Variants in SLC6A11 observed in about 807,000 individuals in gnomAD.
The protein encoded by SLC6A11 is sodium- and chloride-dependent GABA transporter 3.
A neutral mutation model predicts 74.8 loss-of-function variants in SLC6A11; 25 were observed. The ratio of observed to expected loss-of-function variants is 0.33; its 90% CI spans 0.24 to 0.47. The LOEUF (loss-of-function observed/expected upper bound fraction) is 0.47, where lower values mean the gene tolerates loss of function less well. Ranked by LOEUF, SLC6A11 falls within the 20% of genes least tolerant of loss-of-function variation. SLC6A11 has a pLI of 1.00. For synonymous variants in SLC6A11, 330 were observed against 330.2 expected, an observed-to-expected ratio of 1.00 and a Z score of 0.01; for missense variants, 574 against 837.0, an observed-to-expected ratio of 0.69 and a Z score of 3.88.
At chr3:10,913,842 C>T (rs1230808902) in intron 7 of SLC6A11, among the ~76,000 whole-genome samples, 2 of 152,048 alleles carry the variant, frequency 1.3e-5, no homozygotes, top group South Asian at 2.1e-4. Context: ...TACAGGCGCC[C>T]GCCACCACGC....
At chr3:10,852,279 G>C (rs968339319) in intron 5 of SLC6A11, among the ~76,000 whole-genome samples, 2 of 152,234 alleles carry the variant, frequency 1.3e-5, no homozygotes, top group Non-Finnish European at 2.9e-5. Context: ...AAACAGGAGA[G>C]CCCCTGCCCC....
chr3:10,901,429 T>TA (rs1185884500), intron 6 of SLC6A11, among the ~76,000 whole-genome samples: 1 of 152,146 alleles, frequency 6.6e-6, no homozygotes, highest in Non-Finnish European at 1.5e-5. Flanking sequence ...ATTGAACGGC[T>TA]CCTCACCGCC....
chr3:10,935,351 A>T (rs1487448624), intron 13 of SLC6A11, 152 bp downstream of exon 13: 2 of 669,728 alleles, frequency 3.0e-6, no homozygotes, highest in East Asian at 5.4e-5. Context: ...GTTCAGTATC[A>T]TGGTTGTGCC....
Position 10,835,732 on chromosome 3 carries a change from G to A in SLC6A11, c.624-8482G>A, listed in dbSNP as rs1413106137. 2.0e-5 allele frequency among the ~76,000 whole-genome samples: 3 copies of A among 152,264 alleles called. No homozygotes were observed. In the East Asian group the frequency reaches 5.8e-4, roughly 29 times the overall value. On this transcript the variant is annotated intron_variant, in intron 4 of 13. Coordinates refer to ENST00000254488, the MANE Select transcript of SLC6A11 (RefSeq NM_014229.3). ...TTTCTGTGGAGCCTGAGTTTCCTCT[G>A]AACAATGGTGTACAAGATAACTACA...
chr3:10,855,774 T>C (rs1442114645), intron 5 of SLC6A11, among the ~76,000 whole-genome samples: 3 of 152,000 alleles, frequency 2.0e-5, no homozygotes, highest in East Asian at 1.9e-4. Context: ...AGGGGTGAAA[T>C]GTGGATAGTT....
chr3:10,843,373 C>T (rs1449739220), intron 4 of SLC6A11, among the ~76,000 whole-genome samples: 1 of 152,178 alleles, frequency 6.6e-6, no homozygotes, highest in Non-Finnish European at 1.5e-5. Context: ...CTTTTTCCTT[C>T]TGATCCCTGC....
intron 8 of SLC6A11, among the ~76,000 whole-genome samples, chr3:10,923,495 A>G (rs533767419): frequency 6.6e-6 from 1 of 152,300 alleles, no homozygotes; most frequent in East Asian, 1.9e-4. Context: ...TAAACTACTC[A>G]GGAGTCCACA....
At chr3:10,836,747 G>C (rs967704647) in intron 4 of SLC6A11, among the ~76,000 whole-genome samples, 2 of 152,236 alleles carry the variant, frequency 1.3e-5, no homozygotes, top group African/African-American at 2.4e-5. Context: ...TGAGAGCCCA[G>C]TGTGACCTGG....
intron 6 of SLC6A11, among the ~76,000 whole-genome samples, chr3:10,882,347 A>G (rs893684611): frequency 4.6e-5 from 7 of 152,194 alleles, no homozygotes; most frequent in Non-Finnish European, 7.3e-5. Context: ...TGCAGTCACA[A>G]TGAAGGTCCC....
intron 12 of SLC6A11, among the ~76,000 whole-genome samples, chr3:10,934,592 T>C (rs926062342): frequency 2.6e-5 from 4 of 152,218 alleles, no homozygotes; most frequent in Non-Finnish European, 5.9e-5. Context: ...AGCAGACATT[T>C]AATTAAAAAA....
chr3:10,856,235 G>T (rs887080221), intron 5 of SLC6A11, among the ~76,000 whole-genome samples: 3 of 152,250 alleles, frequency 2.0e-5, no homozygotes, highest in African/African-American at 7.2e-5. Context: ...GATTCTGAGT[G>T]TGCAGCTCTA....
intron 6 of SLC6A11, among the ~76,000 whole-genome samples, chr3:10,908,115 A>T (rs1183030592): frequency 6.6e-6 from 1 of 152,224 alleles, no homozygotes; most frequent in Non-Finnish European, 1.5e-5. Context: ...TTGGCAACAT[A>T]GCAAGATCCC....
At chr3:10,846,530 G>A (rs1184175017) in intron 5 of SLC6A11, among the ~76,000 whole-genome samples, 1 of 152,200 alleles carries the variant, frequency 6.6e-6, no homozygotes, top group African/African-American at 2.4e-5. Flanking sequence ...ACAGCAGTGC[G>A]GTTTCACTTT....
intron 5 of SLC6A11, among the ~76,000 whole-genome samples, chr3:10,850,749 G>A (rs1694564383): frequency 6.6e-6 from 1 of 152,184 alleles, no homozygotes. Context: ...AAGAGTGTTG[G>A]AGAACCACTA....
chr3:10,871,289 C>T (rs1412067087), intron 5 of SLC6A11, among the ~76,000 whole-genome samples: 1 of 152,170 alleles, frequency 6.6e-6, no homozygotes, highest in Non-Finnish European at 1.5e-5. Context: ...AGGTGAAGGA[C>T]AAATTTTTAT....
intron 11 of SLC6A11, among the ~76,000 whole-genome samples, chr3:10,933,493 T>C (rs578191546): frequency 2.0e-5 from 3 of 152,336 alleles, no homozygotes; most frequent in East Asian, 1.9e-4. Flanking sequence ...GTTCTGCCCC[T>C]GAGGCTCAGT....
rs751354938 is a variant in SLC6A11, at chr3:10,938,245, TC to T, written c.1747-3del. 1 of 1,584,290 alleles carries T rather than the reference TC, an allele frequency of 6.3e-7. No homozygotes were observed. The highest frequency in any genetic ancestry group is 2.3e-5 in the East Asian group (1 of 44,270). On this transcript the variant is annotated splice_polypyrimidine_tract_variant and splice_region_variant and intron_variant, in intron 13 of 13. Coordinates refer to ENST00000254488, the MANE Select transcript of SLC6A11 (RefSeq NM_014229.3). ...CAGATCTTCCCCTCCTCTCCAACCA[TC>T]CAGAAACTCCAGAAGTTGACGACCC...
intron 6 of SLC6A11, among the ~76,000 whole-genome samples, chr3:10,875,302 G>A (rs561668121): frequency 1.3e-5 from 2 of 152,270 alleles, no homozygotes; most frequent in South Asian, 4.1e-4. Flanking sequence ...TTTTAAAAAG[G>A]CAAATTTGTG....
intron 6 of SLC6A11, among the ~76,000 whole-genome samples, chr3:10,896,507 C>T (rs938947475): frequency 6.6e-6 from 1 of 152,232 alleles, no homozygotes; most frequent in Admixed American, 6.5e-5. Context: ...CCCAGCAGAG[C>T]TGGAACTCAA....
Sources: allele counts gnomAD v4.1 joint callset (sites outside exome capture counted in the v4.1 genomes callset), GRCh38; gene constraint gnomAD v4.1.1; transcripts MANE v1.5; gene names NCBI Gene and HGNC (gene_info 2026-07-23, HGNC 2026-07-21).